CELSR2: variants seen among roughly 807,000 people sequenced by gnomAD.
CELSR2 encodes the protein cadherin EGF LAG seven-pass G-type receptor 2.
CELSR2 carries 81 observed loss-of-function variants against 251.6 expected under a neutral mutation model. The observed-to-expected ratio is 0.32, with a 90% CI of 0.27 to 0.39. The LOEUF (loss-of-function observed/expected upper bound fraction) is 0.39. Among genes scored for constraint, CELSR2 ranks in the 10% least tolerant of loss-of-function variants. The pLI is 1.00. For missense variants in CELSR2, 3,365 were observed against 3,947.7 expected, an observed-to-expected ratio of 0.85 and a Z score of 3.96; for synonymous variants, 1,721 against 1,670.5, an observed-to-expected ratio of 1.03 and a Z score of -0.74.
At chr1:109,253,962 A>G (rs2101237023) in intron 1 of CELSR2, among the ~76,000 whole-genome samples, 1 of 152,352 alleles carries the variant, frequency 6.6e-6, no homozygotes, top group African/African-American at 2.4e-5. Context: ...TGTCTAGCGC[A>G]TTCTTTTCCC....
rs1656184514 is a variant in CELSR2, at chr1:109,266,268, G to A, written c.6013+62G>A. ...TGGCCTCTGCTGTTAGTGGGATGAG[G>A]GCAGGAAGCTCCTGGCTGAAGATCC... On this transcript the variant is annotated intron_variant, in intron 15 of 33. Coordinates refer to ENST00000271332, the MANE Select transcript of CELSR2 (RefSeq NM_001408.3). 5 of 1,571,370 alleles carry A rather than the reference G, an allele frequency of 3.2e-6. No individual in the cohort carries two copies. The South Asian group carries it at 4.6e-5, about 14-fold the overall frequency.
rs751090030 is a variant in CELSR2, at chr1:109,250,229, C to T, written c.150C>T (p.Ala50=). The T allele has an allele frequency of 1.2e-6, 2 of 1,604,636 alleles. No homozygotes were observed. Among genetic ancestry groups the T allele is most frequent in the Non-Finnish European group, 8.5e-7 (1 of 1,175,954 alleles). ...CCAGGGGACGAGGCTCTTCGGGGGCCTGCGCCCCCATGGGCTGGCTCTGTC... is the reference window on the plus strand; with the variant it reads ...CCAGGGGACGAGGCTCTTCGGGGGCTTGCGCCCCCATGGGCTGGCTCTGTC... The part of the protein sequence containing the change: ...LGSRGRGSSG[A]CAPMGWLCPS... The change falls in exon 1 of 34, where the codon GCC becomes GCT. Residue 50 remains alanine (A), a synonymous_variant. Coordinates refer to ENST00000271332, the MANE Select transcript of CELSR2 (RefSeq NM_001408.3). This position sits in a 1 kb window ranked among gnomAD's most constrained non-coding sequence, Gnocchi z 4.4.
At position 109,249,815 on chromosome 1, in the gene CELSR2, G is replaced by A. The variant is rs1229873632; in HGVS notation, c.-265G>A. ...CGGGCGCAGGTGGTGAGTGCCCGGA[G>A]CGCAGGTGGAGGCGCGGCGGCAGCC... On this transcript the variant is annotated 5_prime_UTR_variant, in exon 1 of 34. Transcript: ENST00000271332. Among the ~76,000 whole-genome samples, 2 of 150,064 alleles carry A rather than the reference G, an allele frequency of 1.3e-5. No homozygotes were observed. The highest frequency in any genetic ancestry group is 3.0e-5 in the Non-Finnish European group (2 of 67,216).
chr1:109,264,759 A>G (rs1656141877), intron 11 of CELSR2, 109 bp from the exon 12 acceptor site: 3 of 1,590,736 alleles, frequency 1.9e-6, no homozygotes, highest in South Asian at 2.3e-5. Context: ...CAACAAAGCC[A>G]TAGCCAGCTG....
chr1:109,263,869 G>A, intron 9 of CELSR2, 92 bp downstream of exon 9: 1 of 1,501,714 alleles, frequency 6.7e-7, no homozygotes, highest in South Asian at 1.3e-5. Context: ...CAGGTCCTGG[G>A]CAGGGGTGGG....
At chr1:109,260,907 G>A (rs1222960208) in intron 2 of CELSR2, 135 bp from the exon 3 acceptor site, 3 of 641,692 alleles carry the variant, frequency 4.7e-6, no homozygotes, top group East Asian at 5.5e-5. Context: ...GAGAGGAAGT[G>A]GGGATGCCTG....
Position 109,250,166 on chromosome 1 carries a change from A to G in CELSR2, c.87A>G (p.Leu29=), listed in dbSNP as rs1233815019. ...LLLLLLLPPP[L]LGDQVGPCRS... is the part of the protein sequence containing the mutation. ...TGCTGCTGCTGCTGCCGCCGCCACT[A>G]TTGGGAGACCAAGTGGGGCCCTGTC... Residue 29 remains leucine (L), a synonymous_variant, in exon 1 of 34, where the codon CTA becomes CTG. Transcript: ENST00000271332. The surrounding 1 kb of genome is among the most constrained non-coding windows in gnomAD (Gnocchi z 4.4). 1.9e-6 allele frequency: 3 copies of G among 1,602,460 alleles called. No homozygotes were observed. The highest frequency in any genetic ancestry group is 1.7e-6 in the Non-Finnish European group (2 of 1,176,300).
At position 109,250,433 on chromosome 1, in the gene CELSR2, C is replaced by T. The variant is rs1655651666; in HGVS notation, c.354C>T (p.Gly118=). ...EGCPWSCRLL[G]IGGHLSPQGK... is the part of the protein sequence containing the mutation. Reference sequence around the variant, plus strand: ...GCCCCTGGAGCTGTCGCCTCCTGGGCATTGGAGGCCACCTTTCCCCACAGG... The same window carrying T: ...GCCCCTGGAGCTGTCGCCTCCTGGGTATTGGAGGCCACCTTTCCCCACAGG... The change falls in exon 1 of 34, where the codon GGC becomes GGT. Residue 118 remains glycine (G), a synonymous_variant. Coordinates refer to ENST00000271332, the MANE Select transcript of CELSR2 (RefSeq NM_001408.3). This position sits in a 1 kb window ranked among gnomAD's most constrained non-coding sequence, Gnocchi z 4.4. The T allele has an allele frequency of 6.2e-7, 1 of 1,613,676 alleles. No individual in the cohort carries two copies. Among genetic ancestry groups the T allele is most frequent in the Non-Finnish European group, 8.5e-7 (1 of 1,180,002 alleles).
intron 17 of CELSR2, 32 bp from the exon 18 acceptor site, chr1:109,268,549 G>T (rs762582005): frequency 1.3e-6 from 2 of 1,577,374 alleles, no homozygotes; most frequent in Non-Finnish European, 8.6e-7. Context: ...TGTGGGTTGT[G>T]AGCACACCCA....
Position 109,264,968 on chromosome 1 carries a change from C to T in CELSR2, c.5565C>T (p.Cys1855=), listed in dbSNP as rs771434143. Residue 1855 remains cysteine, a synonymous_variant, in exon 12 of 34, where the codon TGC becomes TGT. Coordinates refer to ENST00000271332, the MANE Select transcript of CELSR2 (RefSeq NM_001408.3). The part of the protein sequence containing the change: ...RKPSAPHGYT[C]ECPPNYLGPY... Reference sequence around the variant, plus strand: ...CCAGTGCCCCCCATGGCTATACCTGCGAGTGTCCCCCAAATTACCTTGGGC... The same window carrying T: ...CCAGTGCCCCCCATGGCTATACCTGTGAGTGTCCCCCAAATTACCTTGGGC... 2 of 1,614,196 alleles carry T rather than the reference C, an allele frequency of 1.2e-6. No individual in the cohort carries two copies. The highest frequency in any genetic ancestry group is 8.5e-7 in the Non-Finnish European group (1 of 1,180,024).
intron 28 of CELSR2, 109 bp downstream of exon 28, chr1:109,271,831 C>T (rs1656380680): frequency 1.5e-6 from 2 of 1,378,240 alleles, no homozygotes; most frequent in African/African-American, 2.9e-5. Flanking sequence ...CCATCCCTTC[C>T]TGGAAGGTGG....
In CELSR2 at chr1:109,273,690, C is replaced by CGGGGGGG; in HGVS notation, c.8744+23_8744+24insGGGGGGG. 4.3e-6 allele frequency: 2 copies of CGGGGGGG among 467,578 alleles called. No homozygotes were observed. The highest frequency in any genetic ancestry group is 7.7e-6 in the Non-Finnish European group (2 of 258,540). 29.0% of individuals were successfully genotyped at this position (467,578 alleles called of 1,614,324 possible). ...CTCCGAGTGAGTGTGGCCGGGTGGG[C>CGGGGGGG]GGGACGGGGTGCAGCCCCTCGGAGG... On this transcript the variant is annotated intron_variant, in intron 33 of 33. Coordinates refer to ENST00000271332, the MANE Select transcript of CELSR2 (RefSeq NM_001408.3).
rs373425704 is a variant in CELSR2, at chr1:109,252,480, C to T, written c.2401C>T (p.Leu801=). The change falls in exon 1 of 34, where the codon CTG becomes TTG. Residue 801 remains leucine, a synonymous_variant. Coordinates refer to ENST00000271332, the MANE Select transcript of CELSR2 (RefSeq NM_001408.3). The surrounding 1 kb of genome is among the most constrained non-coding windows in gnomAD (Gnocchi z 4.8). ...GIPQKSDTTY[L]EILVNDVNDN... ...TCCCCAGAAGTCCGACACCACCTACCTGGAGATCCTGGTGAACGACGTGAA... is the reference window on the plus strand; with the variant it reads ...TCCCCAGAAGTCCGACACCACCTACTTGGAGATCCTGGTGAACGACGTGAA... 2 of 1,613,896 alleles carry T rather than the reference C, an allele frequency of 1.2e-6. No homozygotes were observed. Among genetic ancestry groups the T allele is most frequent in the South Asian group, 1.1e-5 (1 of 91,088 alleles).
In CELSR2 at chr1:109,262,936, G is replaced by A. The variant is rs776685507; in HGVS notation, c.4675G>A (p.Ala1559Thr). The change falls in exon 7 of 34, where the codon GCT becomes ACT. Residue 1559 changes from alanine to threonine, a missense_variant. Around this residue, in one of 5 missense-constraint regions of CELSR2, gnomAD observed 2,093 missense variants for 2,382.8 expected, o/e 0.88. Coordinates refer to ENST00000271332, the MANE Select transcript of CELSR2 (RefSeq NM_001408.3). ...GGTGGACAGCCGGCACATAGACATG[G>A]CTGACTTCATTGCCAACAATGGCAC... is the stretch of plus-strand genomic sequence containing the variant. ...LQVDSRHIDM[A>T]DFIANNGTVP... 1.2e-6 allele frequency: 2 copies of A among 1,613,642 alleles called. No individual in the cohort carries two copies. Among genetic ancestry groups the A allele is most frequent in the African/African-American group, 2.7e-5 (2 of 74,928 alleles).
Position 109,262,390 on chromosome 1 carries a change from C to G in CELSR2, c.4490C>G (p.Ser1497Cys), listed in dbSNP as rs1019383955. Residue 1497 changes from serine (S) to cysteine (C), a missense_variant, in exon 6 of 34, where the codon TCT (serine) becomes TGT (cysteine). By Grantham distance (112) the Ser-to-Cys change is moderately radical (BLOSUM62 -1). This residue lies in a region of CELSR2 where 2,093 missense variants were observed against 2,382.8 expected (regional missense o/e 0.88). Coordinates refer to ENST00000271332, the MANE Select transcript of CELSR2 (RefSeq NM_001408.3). ...ACAGGAGTGGCCTTGCGCTTCGGAT[C>G]TGTCCTGGGCAACTACTCCTGTGCT... ...CDTGVALRFGSVLGNYSCAAQ... is the reference protein window; with the variant it reads ...CDTGVALRFGCVLGNYSCAAQ... 3 of 1,614,178 alleles carry G rather than the reference C, an allele frequency of 1.9e-6. No homozygotes were observed. Among genetic ancestry groups the G allele is most frequent in the Non-Finnish European group, 1.7e-6 (2 of 1,180,034 alleles).
Position 109,269,895 on chromosome 1 carries a change from C to G in CELSR2, c.7108-38C>G. 1.2e-6 allele frequency: 2 copies of G among 1,614,016 alleles called. No individual in the cohort carries two copies. Among genetic ancestry groups the G allele is most frequent in the South Asian group, 1.1e-5 (1 of 91,084 alleles). ...CGGGGCTGGGTGCTCAGGTCCTGCC[C>G]TTCCTAATTCCCTGGCCCCCTGCCA... On this transcript the variant is annotated intron_variant, in intron 22 of 33. Coordinates refer to ENST00000271332, the MANE Select transcript of CELSR2 (RefSeq NM_001408.3). This position sits in a 1 kb window ranked among gnomAD's most constrained non-coding sequence, Gnocchi z 6.4.
chr1:109,253,442 T>G, intron 1 of CELSR2, 53 bp downstream of exon 1: 1 of 1,555,962 alleles, frequency 6.4e-7, no homozygotes. Context: ...GGGGATGGTC[T>G]GGGCAGCCAC....
chr1:109,250,503 C>T lies in CELSR2; in HGVS notation c.424C>T (p.Arg142Trp), dbSNP rs537085166. The T allele has an allele frequency of 4.6e-5, 74 of 1,613,838 alleles. No homozygotes were observed. In the South Asian group the frequency reaches 7.5e-4, roughly 16 times the overall value. The change falls in exon 1 of 34, where the codon CGG becomes TGG. Residue 142 changes from arginine to tryptophan, a missense_variant. Transcript: ENST00000271332. The surrounding 1 kb of genome is among the most constrained non-coding windows in gnomAD (Gnocchi z 4.4). ...PEEHPCLKAP[R>W]LRCQSCKLAQ... ...GGAGCACCCGTGCTTAAAGGCTCCA[C>T]GGCTCAGATGCCAGTCCTGCAAGCT...
At chr1:109,255,331 C>T (rs373617811) in intron 1 of CELSR2, among the ~76,000 whole-genome samples, 3 of 152,214 alleles carry the variant, frequency 2.0e-5, no homozygotes, top group Non-Finnish European at 2.9e-5. Flanking sequence ...TGCGGCTCTC[C>T]GGCTCTCCCA....
Sources: allele counts gnomAD v4.1 joint callset (sites outside exome capture counted in the v4.1 genomes callset), GRCh38; gene constraint gnomAD v4.1.1; regional missense constraint gnomAD v4.1.1; non-coding constraint Gnocchi (gnomAD v3.1); transcripts MANE v1.5; gene names NCBI Gene and HGNC (gene_info 2026-07-23, HGNC 2026-07-21).